Variants in UGT1A1 observed in about 807,000 individuals in gnomAD.
UGT1A1 encodes the protein UDP glucuronosyltransferase family 1 member A1.
In UGT1A1, 33 loss-of-function variants were observed where a neutral mutation model predicts 40.6. The observed-to-expected ratio is 0.81, with a 90% confidence interval of 0.62 to 1.09. UGT1A1 has a LOEUF of 1.09. Ranked by LOEUF, UGT1A1 falls within the 50% of genes least tolerant of loss-of-function variation. The pLI is 0.00. For synonymous variants in UGT1A1, 249 were observed against 265.0 expected, an observed-to-expected ratio of 0.94 and a Z score of 0.59; for missense variants, 694 against 671.2, an observed-to-expected ratio of 1.03 and a Z score of -0.38.
chr2:233,772,380 C>A lies in UGT1A1; in HGVS notation c.1423C>A (p.Arg475Ser), dbSNP rs566674185. ...GAGGCACAAGGGCGCGCCACACCTG[C>A]GCCCCGCAGCCCACGACCTCACCTG... ...VMRHKGAPHL[R>S]PAAHDLTWYQ... Residue 475 changes from arginine to serine, a missense_variant, in exon 5 of 5, where the codon CGC becomes AGC. Transcript: ENST00000305208. The A allele has an allele frequency of 6.2e-7, 1 of 1,614,262 alleles. No homozygotes were observed. The highest frequency in any genetic ancestry group is 1.1e-5 in the South Asian group (1 of 91,086).
intron 1 of UGT1A1, among the ~76,000 whole-genome samples, chr2:233,765,985 G>A (rs1019803782): frequency 1.3e-5 from 2 of 152,120 alleles, no homozygotes; most frequent in Admixed American, 6.5e-5. Flanking sequence ...TACAGCTCCT[G>A]AAGCTCCAGT....
At chr2:233,762,334 T>A (rs2125997251) in intron 1 of UGT1A1, among the ~76,000 whole-genome samples, 1 of 152,328 alleles carries the variant, frequency 6.6e-6, no homozygotes, top group Middle Eastern at 3.4e-3. Context: ...CCACAATAGC[T>A]CTTTTTAGTT....
At chr2:233,766,269 TCGG>T (rs1349388778) in intron 1 of UGT1A1, among the ~76,000 whole-genome samples, 29 of 67,888 alleles carry the variant, frequency 4.3e-4, no homozygotes, top group Admixed American at 8.2e-4. Context: ...TGGCCCGGGC[TCGG>T]TGGCCCGGGC....
At position 233,769,031 on chromosome 2, in the gene UGT1A1, T is replaced by A. The variant is rs1307617494; in HGVS notation, c.1304+592T>A. ...CAATTTACATAAAAAGTTGCCATAA[T>A]AGACATCTGATCCATAAGTTTCCTG... On this transcript the variant is annotated intron_variant, in intron 4 of 4. Transcript: ENST00000305208. The surrounding 1 kb of genome is among the most constrained non-coding windows in gnomAD (Gnocchi z 4.4). 6.6e-6 allele frequency among the ~76,000 whole-genome samples: 1 copy of A among 152,206 alleles called. No individual in the cohort carries two copies. The highest frequency in any genetic ancestry group is 1.5e-5 in the Non-Finnish European group (1 of 68,040).
In UGT1A1 at chr2:233,772,754, T is replaced by G; in HGVS notation, c.*195T>G. ...GCTAGTCAGTAAAGATATTTGAATA[T>G]GTATCGTGCCCCCTCTGGTGTCTTT... On this transcript the variant is annotated 3_prime_UTR_variant, in exon 5 of 5. Transcript: ENST00000305208. 1 of 1,409,478 alleles carries G rather than the reference T, an allele frequency of 7.1e-7. No homozygotes were observed. Among genetic ancestry groups the G allele is most frequent in the South Asian group, 1.5e-5 (1 of 66,636 alleles). 87.3% of individuals were successfully genotyped at this position (1,409,478 alleles called of 1,614,324 possible). A position where few individuals can be genotyped will look rare whatever the true frequency, so the allele number is the denominator to read the frequency against.
Position 233,760,634 on chromosome 2 carries a change from T to TA in UGT1A1, c.353dup (p.Asp119GlyfsTer28), listed in dbSNP as rs748219743. On this transcript the variant is annotated frameshift_variant, in exon 1 of 5. Coordinates refer to ENST00000305208, the MANE Select transcript of UGT1A1 (RefSeq NM_000463.3). LOFTEE classifies it high-confidence loss of function. ...CGTGTGATCAAAACATACAAGAAAA[T>TA]AAAAAAGGACTCTGCTATGCTTTTG... 6.2e-6 allele frequency: 10 copies of TA among 1,614,070 alleles called. No homozygotes were observed. In the South Asian group the frequency reaches 8.8e-5, roughly 14 times the overall value.
chr2:233,761,925 G>C (rs1697902891), intron 1 of UGT1A1, among the ~76,000 whole-genome samples: 1 of 152,224 alleles, frequency 6.6e-6, no homozygotes, highest in Admixed American at 6.5e-5. Flanking sequence ...GGCAGCCCAG[G>C]CACTTCCCAG....
chr2:233,760,957 G>A lies in UGT1A1; in HGVS notation c.670G>A (p.Asp224Asn), dbSNP rs775797489. The A allele has an allele frequency of 2.5e-5, 40 of 1,614,066 alleles. No homozygotes were observed. Among genetic ancestry groups the A allele is most frequent in the Admixed American group, 3.3e-5 (2 of 60,000 alleles). Residue 224 changes from aspartate to asparagine, a missense_variant, in exon 1 of 5, where the codon GAC becomes AAC. Physicochemically the swap from Asp to Asn is conservative, Grantham distance 23. Transcript: ENST00000305208. ...LIAFSQNFLC[D>N]VVYSPYATLA... ...TGCCTTTTCACAGAACTTTCTGTGC[G>A]ACGTGGTTTATTCCCCGTATGCAAC...
intron 1 of UGT1A1, among the ~76,000 whole-genome samples, chr2:233,766,590 C>T (rs1008625240): frequency 6.6e-6 from 1 of 152,194 alleles, no homozygotes; most frequent in Admixed American, 6.5e-5. Context: ...GTGGAGCCCT[C>T]GCCAGGGACC....
rs1308601724 is a variant in UGT1A1, at chr2:233,760,379, TG to T, written c.93del (p.Leu32Ter). Reference sequence around the variant, plus strand: ...GTGGTGTCCCATGCTGGGAAGATACTGTTGATCCCAGTGGATGGCAGCCACT... The same window carrying T: ...GTGGTGTCCCATGCTGGGAAGATACTTTGATCCCAGTGGATGGCAGCCACT... ...GPVVSHAGKI[L>X]LIPVDGSHWL... On this transcript the variant is annotated frameshift_variant, in exon 1 of 5. Transcript: ENST00000305208. LOFTEE classifies it high-confidence loss of function. 1 of 1,614,196 alleles carries T rather than the reference TG, an allele frequency of 6.2e-7. No homozygotes were observed. Among genetic ancestry groups the T allele is most frequent in the East Asian group, 2.2e-5 (1 of 44,880 alleles).
At chr2:233,768,058 C>A in intron 3 of UGT1A1, 122 bp downstream of exon 3, 3 of 1,601,872 alleles carry the variant, frequency 1.9e-6, no homozygotes, top group Non-Finnish European at 2.6e-6. Context: ...TCCTACATTG[C>A]TTTTTATCTA....
intron 3 of UGT1A1, 135 bp downstream of exon 3, chr2:233,768,071 G>C: frequency 6.3e-7 from 1 of 1,595,002 alleles, no homozygotes; most frequent in Admixed American, 1.8e-5. Context: ...TTTATCTAGT[G>C]GGGTATCTCA....
chr2:233,770,723 A>G (rs1412747955), intron 4 of UGT1A1: 1 of 152,146 alleles, frequency 6.6e-6, no homozygotes, highest in African/African-American at 2.4e-5. Context: ...AAGGAAGATG[A>G]TATTTAACAT....
chr2:233,768,305 G>C lies in UGT1A1; in HGVS notation c.1170G>C (p.Met390Ile). The change falls in exon 4 of 5, where the codon ATG (methionine) becomes ATC (isoleucine). Residue 390 changes from methionine (M) to isoleucine (I), a missense_variant. Coordinates refer to ENST00000305208, the MANE Select transcript of UGT1A1 (RefSeq NM_000463.3). ...ESICNGVPMV[M>I]MPLFGDQMDN... ...TATGCAATGGCGTTCCCATGGTGAT[G>C]ATGCCCTTGTTTGGTGATCAGATGG... 1 of 1,614,202 alleles carries C rather than the reference G, an allele frequency of 6.2e-7. No individual in the cohort carries two copies. The highest frequency in any genetic ancestry group is 8.5e-7 in the Non-Finnish European group (1 of 1,180,040).
rs1700543708 is a variant in UGT1A1 at position 233,772,722 on chromosome 2, T to TA, written c.*164dup. On this transcript the variant is annotated 3_prime_UTR_variant, in exon 5 of 5. Transcript: ENST00000305208. ...AAAAAATTCTCTTAAATAAAAATAA[T>TA]AGACTCGCTAGTCAGTAAAGATATT... 1 of 1,454,026 alleles carries TA rather than the reference T, an allele frequency of 6.9e-7. No homozygotes were observed. The highest frequency in any genetic ancestry group is 9.0e-7 in the Non-Finnish European group (1 of 1,106,108). The allele number at this position is 1,454,026 out of a possible 1,614,324, so 90.1% of individuals were successfully genotyped here. A position where few individuals can be genotyped will look rare whatever the true frequency, so the allele number is the denominator to read the frequency against.
intron 1 of UGT1A1, among the ~76,000 whole-genome samples, chr2:233,763,888 CT>C (rs1451970704): frequency 2.0e-5 from 3 of 152,126 alleles, no homozygotes; most frequent in Non-Finnish European, 1.5e-5. Flanking sequence ...AGAAAAATAA[CT>C]AAACAGAAGA....
rs1699786831 is a variant in UGT1A1 at position 233,769,072 on chromosome 2, T to C, written c.1304+633T>C. ...AAGTTTCCTGCACAGAAAGAAATACTCCATTATAAGAAGCATAGTATCTTT... is the reference window on the plus strand; with the variant it reads ...AAGTTTCCTGCACAGAAAGAAATACCCCATTATAAGAAGCATAGTATCTTT... On this transcript the variant is annotated intron_variant, in intron 4 of 4. Coordinates refer to ENST00000305208, the MANE Select transcript of UGT1A1 (RefSeq NM_000463.3). This position sits in a 1 kb window ranked among gnomAD's most constrained non-coding sequence, Gnocchi z 4.4. 6.6e-6 allele frequency among the ~76,000 whole-genome samples: 1 copy of C among 152,150 alleles called. No homozygotes were observed. Among genetic ancestry groups the C allele is most frequent in the Admixed American group, 6.5e-5 (1 of 15,270 alleles).
In UGT1A1 at chr2:233,772,377, C is replaced by T. The variant is rs72551359; in HGVS notation, c.1420C>T (p.Leu474=). The T allele has an allele frequency of 6.2e-7, 1 of 1,614,256 alleles. No homozygotes were observed. Among genetic ancestry groups the T allele is most frequent in the Non-Finnish European group, 8.5e-7 (1 of 1,180,050 alleles). The change falls in exon 5 of 5, where the codon CTG becomes TTG. Residue 474 remains leucine (L), a synonymous_variant. Coordinates refer to ENST00000305208, the MANE Select transcript of UGT1A1 (RefSeq NM_000463.3). The stretch of plus-strand genomic sequence containing the variant: ...GATGAGGCACAAGGGCGCGCCACAC[C>T]TGCGCCCCGCAGCCCACGACCTCAC... ...FVMRHKGAPH[L]RPAAHDLTWY...
chr2:233,768,590 T>G (rs1322508849), intron 4 of UGT1A1, 151 bp downstream of exon 4: 2 of 1,068,204 alleles, frequency 1.9e-6, no homozygotes, highest in Non-Finnish European at 2.4e-6. Flanking sequence ...TTCTTTTTTT[T>G]TTTTTTTTTT....
Sources: gnomAD v4.1 joint callset for allele counts (sites outside exome capture counted in the v4.1 genomes callset) on GRCh38, gnomAD v4.1.1 for gene constraint, Gnocchi (gnomAD v3.1) non-coding constraint, MANE v1.5 for transcripts, NCBI Gene and HGNC (gene_info 2026-07-23, HGNC 2026-07-21) for gene names.